LYPLAL1: variants seen among roughly 807,000 people sequenced by gnomAD.
LYPLAL1 encodes the protein lysophospholipase like 1.
A neutral mutation model predicts 19.7 loss-of-function variants in LYPLAL1; 23 were observed. That is an observed-to-expected ratio of 1.17 (90% CI 0.84 to 1.65). LYPLAL1 has a LOEUF of 1.65. Among genes scored for constraint, LYPLAL1 ranks in the 40% most tolerant of loss-of-function variants. The probability of loss-of-function intolerance (pLI) is 0.00; values close to 1 mark genes in which losing one functional copy is unlikely to be tolerated. For missense variants in LYPLAL1, 355 were observed against 279.4 expected, an observed-to-expected ratio of 1.27 and a Z score of -1.93; for synonymous variants, 119 against 96.3, an observed-to-expected ratio of 1.24 and a Z score of -1.38.
At chr1:219,396,877 T>C in the LYPLAL1 span, among the ~76,000 whole-genome samples, 11 of 152,194 alleles carry the variant, frequency 7.2e-5, no homozygotes, top group Non-Finnish European at 7.3e-5. Context: ...ATAGTTTGAC[T>C]TCCTCTCTTC....
At chr1:219,372,025 C>T in the LYPLAL1 span, among the ~76,000 whole-genome samples, 1 of 152,170 alleles carries the variant, frequency 6.6e-6, no homozygotes, top group African/African-American at 2.4e-5. Flanking sequence ...CACCCCTTCC[C>T]CTGGTCCCTC....
At chr1:219,340,499 A>G in the LYPLAL1 span, among the ~76,000 whole-genome samples, 1 of 152,054 alleles carries the variant, frequency 6.6e-6, no homozygotes, top group Non-Finnish European at 1.5e-5. Flanking sequence ...GGGGAGGGGA[A>G]GTTACATTAC....
the LYPLAL1 span, among the ~76,000 whole-genome samples, chr1:219,241,124 C>CTA: frequency 2.1e-5 from 2 of 93,356 alleles, no homozygotes; most frequent in East Asian, 3.3e-4. Context: ...CTCTCTCTCT[C>CTA]TCTCTCTCTC....
the LYPLAL1 span, among the ~76,000 whole-genome samples, chr1:219,395,477 T>C: frequency 2.6e-5 from 4 of 152,202 alleles, no homozygotes; most frequent in Non-Finnish European, 5.9e-5. Flanking sequence ...GGGTTGTTTT[T>C]CTCTTGTATA....
At chr1:219,387,087 G>C in the LYPLAL1 span, among the ~76,000 whole-genome samples, 4 of 151,948 alleles carry the variant, frequency 2.6e-5, no homozygotes, top group Non-Finnish European at 1.5e-5. Context: ...TGCATAATCT[G>C]GACACTGCTT....
At chr1:219,437,765 A>C in the LYPLAL1 span, among the ~76,000 whole-genome samples, 25 of 149,608 alleles carry the variant, frequency 1.7e-4, no homozygotes, top group African/African-American at 5.4e-4. Context: ...ATTTTATTTT[A>C]TTTTATTTTA....
the LYPLAL1 span, among the ~76,000 whole-genome samples, chr1:219,336,259 A>G: frequency 6.6e-6 from 1 of 151,740 alleles, no homozygotes; most frequent in East Asian, 1.9e-4. Flanking sequence ...GAGTTGTTGC[A>G]AAAAGCCTGA....
chr1:219,393,517 A>G, the LYPLAL1 span, among the ~76,000 whole-genome samples: 1 of 152,084 alleles, frequency 6.6e-6, no homozygotes, highest in Non-Finnish European at 1.5e-5. Flanking sequence ...CAGTATTCCA[A>G]ATGCCTTGGT....
chr1:219,223,525 C>G, the LYPLAL1 span, among the ~76,000 whole-genome samples: 1 of 152,214 alleles, frequency 6.6e-6, no homozygotes, highest in African/African-American at 2.4e-5. Context: ...GTGCTATCCT[C>G]TCATTATTAT....
chr1:219,367,154 A>G, the LYPLAL1 span, among the ~76,000 whole-genome samples: 1 of 152,108 alleles, frequency 6.6e-6, no homozygotes, highest in Non-Finnish European at 1.5e-5. Flanking sequence ...TAGTATATCA[A>G]CTTTGGAAAC....
chr1:219,390,634 G>A, the LYPLAL1 span, among the ~76,000 whole-genome samples: 99 of 152,290 alleles, frequency 6.5e-4, no homozygotes, highest in African/African-American at 2.3e-3. Flanking sequence ...TTACAAACCT[G>A]TTAGGTCTTT....
At chr1:219,210,458 T>A (rs183721734) in intron 3 of LYPLAL1, 74 bp from the exon 4 acceptor site, 2 of 1,033,668 alleles carry the variant, frequency 1.9e-6, no homozygotes, top group East Asian at 5.5e-5. Context: ...TTTAAAAATA[T>A]GGAAAATTGT....
chr1:219,219,788 C>A, the LYPLAL1 span, among the ~76,000 whole-genome samples: 1 of 152,042 alleles, frequency 6.6e-6, no homozygotes, highest in Non-Finnish European at 1.5e-5. Flanking sequence ...GGAGCTGGGG[C>A]TCTTTTTTGC....
chr1:219,298,959 A>G, the LYPLAL1 span, among the ~76,000 whole-genome samples: 1 of 152,260 alleles, frequency 6.6e-6, no homozygotes, highest in African/African-American at 2.4e-5. Context: ...ATGAAAAAAT[A>G]AAACCCCTTT....
intron 2 of LYPLAL1, among the ~76,000 whole-genome samples, chr1:219,186,822 T>G (rs1219370779): frequency 6.6e-6 from 1 of 151,834 alleles, no homozygotes. Context: ...ATAATTTGTC[T>G]TCTAAGTGAT....
At chr1:219,257,553 G>A in the LYPLAL1 span, among the ~76,000 whole-genome samples, 2 of 151,954 alleles carry the variant, frequency 1.3e-5, no homozygotes, top group Admixed American at 6.6e-5. Flanking sequence ...ATGCCCACCT[G>A]AGCCGCAAAA....
At chr1:219,327,143 T>TTTTCCA in the LYPLAL1 span, among the ~76,000 whole-genome samples, 2 of 150,558 alleles carry the variant, frequency 1.3e-5, no homozygotes, top group Non-Finnish European at 3.0e-5. Context: ...GGCAGAGGAG[T>TTTTCCA]TTTCCATAAT....
the LYPLAL1 span, among the ~76,000 whole-genome samples, chr1:219,318,904 C>G: frequency 6.6e-6 from 1 of 152,142 alleles, no homozygotes; most frequent in South Asian, 2.1e-4. Context: ...ACTCCACTGC[C>G]GGTAAGAAAC....
At chr1:219,429,562 C>T in the LYPLAL1 span, among the ~76,000 whole-genome samples, 267 of 152,096 alleles carry the variant, frequency 1.8e-3, no homozygotes, top group African/African-American at 6.1e-3. Context: ...GGGGCTGAGG[C>T]GAGAGGAGTG....
Sources: gnomAD v4.1 joint callset for allele counts (sites outside exome capture counted in the v4.1 genomes callset) on GRCh38, gnomAD v4.1.1 for gene constraint, MANE v1.5 for transcripts, NCBI Gene and HGNC (gene_info 2026-07-23, HGNC 2026-07-21) for gene names.